Variants in NTN1 observed in about 807,000 individuals in gnomAD.
NTN1 encodes the protein netrin-1.
Under a neutral mutation model 54.2 loss-of-function variants are expected in NTN1, and 11 were observed. The observed-to-expected ratio is 0.20, with a 90% CI of 0.13 to 0.34. NTN1 has a LOEUF of 0.34. Among genes scored for constraint, NTN1 ranks in the 10% least tolerant of loss-of-function variants. NTN1 has a pLI of 1.00. For missense variants in NTN1, 740 were observed against 893.1 expected (o/e 0.83, Z 2.18); for synonymous variants, 371 against 382.0 (o/e 0.97, Z 0.33).
At chr17:9,096,386 T>TTTTTC (rs1362547784) in intron 2 of NTN1, among the ~76,000 whole-genome samples, 2 of 144,064 alleles carry the variant, frequency 1.4e-5, no homozygotes, top group Non-Finnish European at 3.0e-5. Flanking sequence ...TTTTTTTTTT[T>TTTTTC]TTGAGATGGA....
At position 9,107,972 on chromosome 17, in the gene NTN1, C is replaced by A. The variant is rs577563162; in HGVS notation, c.1019-54841C>A. 4.6e-5 allele frequency among the ~76,000 whole-genome samples: 7 copies of A among 152,292 alleles called. No homozygotes were observed. The South Asian group carries it at 1.5e-3, about 32-fold the overall frequency. Reference sequence around the variant, plus strand: ...TTCACTGGCTCCCTCATTCATCAAACATAGTTTGATCACAGTGGTAAGAAA... The same window carrying A: ...TTCACTGGCTCCCTCATTCATCAAAAATAGTTTGATCACAGTGGTAAGAAA... On this transcript the variant is annotated intron_variant, in intron 2 of 6. Transcript: ENST00000173229.
chr17:9,217,695 A>G (rs931066848), intron 5 of NTN1, among the ~76,000 whole-genome samples: 2 of 152,230 alleles, frequency 1.3e-5, no homozygotes, highest in East Asian at 1.9e-4. Context: ...AAGGGAGAAC[A>G]TTTCAGCCTC....
chr17:9,229,592 T>C (rs886553206), intron 6 of NTN1, among the ~76,000 whole-genome samples: 2 of 152,148 alleles, frequency 1.3e-5, no homozygotes, highest in Non-Finnish European at 2.9e-5. Flanking sequence ...TCGGGGCCAC[T>C]GACTCTGGAT....
intron 2 of NTN1, among the ~76,000 whole-genome samples, chr17:9,060,068 A>C (rs1245940636): frequency 2.6e-5 from 4 of 152,158 alleles, no homozygotes; most frequent in Admixed American, 2.6e-4. Context: ...TCATTAGAGT[A>C]GGATACATAA....
At chr17:9,030,089 C>G (rs890333504) in intron 2 of NTN1, among the ~76,000 whole-genome samples, 34 of 152,176 alleles carry the variant, frequency 2.2e-4, no homozygotes, top group Admixed American at 1.3e-4. Flanking sequence ...TTATTTTGTG[C>G]CAGTTCTCCC....
At chr17:9,068,512 A>T (rs1454509246) in intron 2 of NTN1, among the ~76,000 whole-genome samples, 4 of 141,220 alleles carry the variant, frequency 2.8e-5, no homozygotes, top group Admixed American at 2.1e-4. Flanking sequence ...GTATGTGTGA[A>T]TTTTTTTTTT....
intron 5 of NTN1, chr17:9,183,181 A>G: frequency 2.9e-6 from 2 of 688,746 alleles, no homozygotes; most frequent in South Asian, 3.2e-5. Flanking sequence ...AATGGAGGAG[A>G]TTTTAATGAT....
intron 5 of NTN1, among the ~76,000 whole-genome samples, chr17:9,187,680 CATT>C (rs1170946159): frequency 2.4e-5 from 2 of 82,722 alleles, no homozygotes; most frequent in South Asian, 4.4e-4. Context: ...AAAAAAAAAA[CATT>C]AGCCAGGCAT....
chr17:9,130,416 G>T (rs2092261036), intron 2 of NTN1, among the ~76,000 whole-genome samples: 1 of 152,078 alleles, frequency 6.6e-6, no homozygotes, highest in Admixed American at 6.6e-5. Flanking sequence ...CCTGAGTACT[G>T]GGGGAGGTGA....
intron 5 of NTN1, among the ~76,000 whole-genome samples, chr17:9,185,047 A>G (rs2092429279): frequency 6.6e-6 from 1 of 152,228 alleles, no homozygotes; most frequent in South Asian, 2.1e-4. Context: ...AAACACCCTT[A>G]TAAAATATCT....
chr17:9,012,340 A>T, the NTN1 span, among the ~76,000 whole-genome samples: 3 of 152,036 alleles, frequency 2.0e-5, no homozygotes, highest in African/African-American at 7.2e-5. Context: ...GGTAAAACCC[A>T]TCTCTACTAA....
chr17:9,124,811 C>T (rs2092241204), intron 2 of NTN1, among the ~76,000 whole-genome samples: 1 of 152,202 alleles, frequency 6.6e-6, no homozygotes, highest in South Asian at 2.1e-4. Context: ...CATCGGTTTA[C>T]ACCCCGATCT....
At chr17:9,216,940 G>C (rs747981769) in intron 5 of NTN1, among the ~76,000 whole-genome samples, 1 of 152,022 alleles carries the variant, frequency 6.6e-6, no homozygotes, top group Non-Finnish European at 1.5e-5. Flanking sequence ...TACTCGGGAG[G>C]CTGGGGCAGG....
intron 2 of NTN1, among the ~76,000 whole-genome samples, chr17:9,156,254 G>T (rs9912411): frequency 0.16 from 21,591 of 137,048 alleles, 1,639 homozygotes; most frequent in Non-Finnish European, 0.18. Flanking sequence ...TTTTTTTTTT[G>T]GAGAATTCAG....
chr17:9,021,267 C>G (rs1257604229), upstream of NTN1, among the ~76,000 whole-genome samples: 2 of 151,786 alleles, frequency 1.3e-5, no homozygotes, highest in African/African-American at 4.8e-5. Flanking sequence ...CGGCCCAGCC[C>G]CCTCTCCGGG....
rs1369945282 is a variant in NTN1 at position 9,241,599 on chromosome 17, A to G, written c.*1631A>G. The G allele has an allele frequency of 6.6e-6, 1 of 152,334 alleles. No individual in the cohort carries two copies. The highest frequency in any genetic ancestry group is 1.5e-5 in the Non-Finnish European group (1 of 68,112). The allele number at this position is 152,334 out of a possible 1,614,324, so 9.4% of individuals were successfully genotyped here. A position where few individuals can be genotyped will look rare whatever the true frequency, so the allele number is the denominator to read the frequency against. ...CAGAGTTTGGCTGCTCAAAAGGGTC[A>G]TACCAAGTATGAAGCTCGGCCCCCG... On this transcript the variant is annotated 3_prime_UTR_variant, in exon 7 of 7. Transcript: ENST00000173229.
At chr17:9,102,562 A>G (rs1157835132) in intron 2 of NTN1, among the ~76,000 whole-genome samples, 1 of 152,230 alleles carries the variant, frequency 6.6e-6, no homozygotes, top group Non-Finnish European at 1.5e-5. Context: ...AAACCATATC[A>G]GCGGCATCTA....
At chr17:9,137,238 G>A (rs1162791878) in intron 2 of NTN1, among the ~76,000 whole-genome samples, 1 of 152,144 alleles carries the variant, frequency 6.6e-6, no homozygotes, top group East Asian at 1.9e-4. Context: ...CTCCTACCAG[G>A]CTGCAAACTC....
At chr17:9,203,114 G>A (rs1597536033) in intron 5 of NTN1, among the ~76,000 whole-genome samples, 1 of 151,904 alleles carries the variant, frequency 6.6e-6, no homozygotes, top group South Asian at 2.1e-4. Context: ...CTAGAGATGG[G>A]GTTTCACCAT....
Sources: gnomAD v4.1 joint callset for allele counts (sites outside exome capture counted in the v4.1 genomes callset) on GRCh38, gnomAD v4.1.1 for gene constraint, MANE v1.5 for transcripts, NCBI Gene and HGNC (gene_info 2026-07-23, HGNC 2026-07-21) for gene names.